The following CACNA1A variants were observed in gnomAD, a reference collection of about 807,000 sequenced individuals.
CACNA1A encodes calcium voltage-gated channel subunit alpha1 A.
CACNA1A carries 57 observed loss-of-function variants against 262.4 expected under a neutral mutation model. The ratio of observed to expected loss-of-function variants is 0.22; its 90% CI spans 0.18 to 0.27. The LOEUF (loss-of-function observed/expected upper bound fraction) is 0.27. Among genes scored for constraint, CACNA1A ranks in the 10% least tolerant of loss-of-function variants. The pLI, the probability that CACNA1A is intolerant of heterozygous loss-of-function variation, is 1.00. For missense variants in CACNA1A, 2,526 were observed against 3,562.8 expected (o/e 0.71, Z 7.41); for synonymous variants, 1,431 against 1,419.3 (o/e 1.01, Z -0.18).
intron 3 of CACNA1A, among the ~76,000 whole-genome samples, chr19:13,374,549 C>T (rs530762864): frequency 6.6e-6 from 1 of 151,938 alleles, no homozygotes; most frequent in South Asian, 2.1e-4. Flanking sequence ...TGCACTTGGC[C>T]CATTCAACTT....
Position 13,459,526 on chromosome 19 carries a change from G to A in CACNA1A, c.294-4314C>T, listed in dbSNP as rs145142804. 1.2e-4 allele frequency among the ~76,000 whole-genome samples: 18 copies of A among 152,326 alleles called. No individual in the cohort carries two copies. In the East Asian group the frequency reaches 3.3e-3, roughly 28 times the overall value. ...CATCTCTGATTGGCTTTCTGCCTCT[G>A]AGCTGACAGGCATTAGGAGCCCAGA... On this transcript the variant is annotated intron_variant, in intron 1 of 46. Transcript: ENST00000360228.
chr19:13,227,679 G>C (rs748388371), intron 36 of CACNA1A, 152 bp from the exon 37 acceptor site: 13 of 375,784 alleles, frequency 3.5e-5, no homozygotes, highest in Non-Finnish European at 6.3e-5. Flanking sequence ...GAAAGATGCA[G>C]AGAATGATAA....
chr19:13,263,917 C>T (rs904849533), intron 24 of CACNA1A, among the ~76,000 whole-genome samples: 4 of 152,090 alleles, frequency 2.6e-5, no homozygotes, highest in Admixed American at 6.6e-5. Context: ...CTTAAAGTGG[C>T]CCTTATACCA....
intron 3 of CACNA1A, among the ~76,000 whole-genome samples, chr19:13,402,801 C>CATATATACACAT (rs2059922747): frequency 7.6e-6 from 1 of 131,794 alleles, no homozygotes; most frequent in African/African-American, 3.0e-5. Flanking sequence ...TATATACACA[C>CATATATACACAT]ATATATATAT....
At chr19:13,215,630 T>A (rs543410603) in intron 38 of CACNA1A, among the ~76,000 whole-genome samples, 2 of 151,422 alleles carry the variant, frequency 1.3e-5, no homozygotes, top group African/African-American at 4.9e-5. Flanking sequence ...TGTTTTTTTT[T>A]TTTTTTTGAC....
chr19:13,273,664 T>TC, intron 24 of CACNA1A: 1 of 152,140 alleles, frequency 6.6e-6, no homozygotes, highest in South Asian at 2.1e-4. Flanking sequence ...CCTGTTTTTT[T>TC]TGTACTCATC....
chr19:13,500,326 A>G (rs1982225935), intron 1 of CACNA1A, among the ~76,000 whole-genome samples: 2 of 152,186 alleles, frequency 1.3e-5, no homozygotes, highest in South Asian at 4.1e-4. Flanking sequence ...TCACAGCCTC[A>G]GAGCTTGACT....
In CACNA1A at chr19:13,458,329, T is replaced by A. The variant is rs892789024; in HGVS notation, c.294-3117A>T. Among the ~76,000 whole-genome samples, 7 of 152,176 alleles carry A rather than the reference T, an allele frequency of 4.6e-5. No homozygotes were observed. In the East Asian group the frequency reaches 1.2e-3, roughly 25 times the overall value. On this transcript the variant is annotated intron_variant, in intron 1 of 46. Coordinates refer to ENST00000360228, the MANE Select transcript of CACNA1A (RefSeq NM_001127222.2). Reference sequence around the variant, plus strand: ...TGCACAACACCATGTGTGCCTAATTTTTTTTTTGTAAGAGACAGAGTCTTA... The same window carrying A: ...TGCACAACACCATGTGTGCCTAATTATTTTTTTGTAAGAGACAGAGTCTTA...
At chr19:13,228,814 G>T in intron 36 of CACNA1A, 1 of 1,476,586 alleles carries the variant, frequency 6.8e-7, no homozygotes, top group South Asian at 1.2e-5. Context: ...AGAAGAAAGG[G>T]GGTTAGTGCA....
intron 30 of CACNA1A, among the ~76,000 whole-genome samples, chr19:13,251,560 A>C (rs1011932146): frequency 3.3e-5 from 5 of 152,342 alleles, no homozygotes; most frequent in Middle Eastern, 3.4e-3. Flanking sequence ...CAACATTTTA[A>C]AGCAATGATG....
At chr19:13,224,885 C>A in intron 37 of CACNA1A, 113 bp from the exon 38 acceptor site, 2 of 694,984 alleles carry the variant, frequency 2.9e-6, no homozygotes, top group Non-Finnish European at 5.0e-6. Flanking sequence ...AAAGCTGTGG[C>A]GGCTGAGGTG....
rs762678402 is a variant in CACNA1A at position 13,212,396 on chromosome 19, C to G, written c.6177G>C (p.Gln2059His). The change falls in exon 42 of 47, where the codon CAG (glutamine) becomes CAC (histidine). Residue 2059 changes from glutamine to histidine, a missense_variant. Gln to His is a conservative substitution (Grantham distance 24, BLOSUM62 0). Coordinates refer to ENST00000360228, the MANE Select transcript of CACNA1A (RefSeq NM_001127222.2). This position sits in a 1 kb window ranked among gnomAD's most constrained non-coding sequence, Gnocchi z 5.6. Reference protein sequence around the residue: ...QGPPTDMPNSQPNSQSVEMRE... With the variant: ...QGPPTDMPNSHPNSQSVEMRE... ...GGGACAGAGGCACCTGAGAGTTAGGCTGGCTGTTGGGCATGTCGGTAGGGG... is the reference window on the plus strand; with the variant it reads ...GGGACAGAGGCACCTGAGAGTTAGGGTGGCTGTTGGGCATGTCGGTAGGGG... The G allele has an allele frequency of 6.2e-7, 1 of 1,613,662 alleles. No individual in the cohort carries two copies. The highest frequency in any genetic ancestry group is 8.5e-7 in the Non-Finnish European group (1 of 1,179,754).
intron 21 of CACNA1A, chr19:13,283,603 C>T (rs1568492065): frequency 3.6e-6 from 2 of 551,006 alleles, no homozygotes; most frequent in East Asian, 3.2e-5. Flanking sequence ...TGAGAGAAGA[C>T]ATTCACATGC....
intron 3 of CACNA1A, among the ~76,000 whole-genome samples, chr19:13,401,695 G>A (rs1251400273): frequency 6.6e-6 from 1 of 152,016 alleles, no homozygotes; most frequent in Non-Finnish European, 1.5e-5. Flanking sequence ...CTGTCTCAAT[G>A]TAGGCTCTTA....
intron 6 of CACNA1A, among the ~76,000 whole-genome samples, chr19:13,354,234 C>T (rs77900669): frequency 8.6e-4 from 131 of 152,288 alleles, no homozygotes; most frequent in African/African-American, 2.9e-3. Flanking sequence ...ATGCTTGGAG[C>T]GACTGTCTGG....
At chr19:13,395,291 G>GA (rs1331427471) in intron 3 of CACNA1A, among the ~76,000 whole-genome samples, 77 of 112,380 alleles carry the variant, frequency 6.9e-4, no homozygotes, top group African/African-American at 2.4e-3. Context: ...AAAAAAAAAA[G>GA]AAAAGAAAAA....
intron 1 of CACNA1A, among the ~76,000 whole-genome samples, chr19:13,503,863 T>C (rs1982691926): frequency 6.6e-6 from 1 of 152,058 alleles, no homozygotes; most frequent in South Asian, 2.1e-4. Context: ...AGAGAATAGA[T>C]GAAGTGGCAA....
rs531798368 is a variant in CACNA1A, at chr19:13,283,548, C to T, written c.3693-152G>A. On this transcript the variant is annotated intron_variant, in intron 21 of 46. Coordinates refer to ENST00000360228, the MANE Select transcript of CACNA1A (RefSeq NM_001127222.2). ...ACTATTAAACTCCTCCAGGTGGGGGCCCTCTCTGGGTCCTGGAACCCCAAG... is the reference window on the plus strand; with the variant it reads ...ACTATTAAACTCCTCCAGGTGGGGGTCCTCTCTGGGTCCTGGAACCCCAAG... 3.1e-6 allele frequency: 3 copies of T among 982,144 alleles called. No homozygotes were observed. The African/African-American group carries it at 4.9e-5, about 16-fold the overall frequency. 60.8% of individuals were successfully genotyped at this position (982,144 alleles called of 1,614,324 possible). A position where few individuals can be genotyped will look rare whatever the true frequency, so the allele number is the denominator to read the frequency against.
chr19:13,372,139 C>T (rs1001687248), intron 3 of CACNA1A, among the ~76,000 whole-genome samples: 5 of 151,938 alleles, frequency 3.3e-5, no homozygotes, highest in Non-Finnish European at 7.4e-5. Context: ...GCAGACCTTT[C>T]GGGGTTTGTG....
Sources: allele counts gnomAD v4.1 joint callset (sites outside exome capture counted in the v4.1 genomes callset), GRCh38; gene constraint gnomAD v4.1.1; non-coding constraint Gnocchi (gnomAD v3.1); transcripts MANE v1.5; gene names NCBI Gene and HGNC (gene_info 2026-07-23, HGNC 2026-07-21).